SYT1: variants seen among roughly 807,000 people sequenced by gnomAD.
SYT1 encodes the protein synaptotagmin-1.
A neutral mutation model predicts 44.8 loss-of-function variants in SYT1; 8 were observed. The ratio of observed to expected loss-of-function variants is 0.18; its 90% CI spans 0.10 to 0.32. The LOEUF (loss-of-function observed/expected upper bound fraction) is 0.32, where lower values mean the gene tolerates loss of function less well. Ranked by LOEUF, SYT1 falls within the 10% of genes least tolerant of loss-of-function variation. SYT1 has a pLI of 1.00. For synonymous variants in SYT1, 154 were observed against 188.8 expected (o/e 0.82, Z 1.51); for missense variants, 286 against 509.3 (o/e 0.56, Z 4.22).
intron 3 of SYT1, among the ~76,000 whole-genome samples, chr12:79,184,263 A>G (rs755577142): frequency 6.6e-6 from 1 of 152,058 alleles, no homozygotes; most frequent in Non-Finnish European, 1.5e-5. Flanking sequence ...TGAAAAAAAC[A>G]TAGGTTGTAA....
chr12:78,948,651 G>A (rs775016473), intron 1 of SYT1, among the ~76,000 whole-genome samples: 84 of 151,932 alleles, frequency 5.5e-4, no homozygotes, highest in Non-Finnish European at 9.0e-4. Flanking sequence ...CATGACAAGT[G>A]GGGTTTGACT....
intron 8 of SYT1, among the ~76,000 whole-genome samples, chr12:79,330,679 A>G (rs1881815092): frequency 6.6e-6 from 1 of 152,214 alleles, no homozygotes; most frequent in African/African-American, 2.4e-5. Flanking sequence ...GACATTGACT[A>G]ACATTTATTG....
intron 1 of SYT1, among the ~76,000 whole-genome samples, chr12:78,972,372 T>C (rs1303736129): frequency 6.6e-6 from 1 of 152,040 alleles, no homozygotes; most frequent in Non-Finnish European, 1.5e-5. Flanking sequence ...CAAGGTTCAC[T>C]GAATCTTTTA....
intron 2 of SYT1, among the ~76,000 whole-genome samples, chr12:79,019,550 A>G (rs1048474701): frequency 6.6e-6 from 1 of 151,988 alleles, no homozygotes; most frequent in Non-Finnish European, 1.5e-5. Context: ...TATAGATGTA[A>G]TTATCAAGGA....
intron 9 of SYT1, among the ~76,000 whole-genome samples, chr12:79,364,410 C>T (rs1883453798): frequency 6.6e-6 from 1 of 152,060 alleles, no homozygotes; most frequent in Non-Finnish European, 1.5e-5. Context: ...CCAGCATGAA[C>T]AGATAAGGCA....
At chr12:79,039,607 T>A (rs1176245647) in intron 2 of SYT1, among the ~76,000 whole-genome samples, 1 of 148,970 alleles carries the variant, frequency 6.7e-6, no homozygotes, top group Non-Finnish European at 1.5e-5. Flanking sequence ...TTTTATTTTT[T>A]ATTTATTTTT....
intron 3 of SYT1, among the ~76,000 whole-genome samples, chr12:79,146,627 T>C (rs1289213724): frequency 6.6e-6 from 1 of 152,038 alleles, no homozygotes; most frequent in African/African-American, 2.4e-5. Flanking sequence ...GAGACATTAA[T>C]AATTAAACAA....
intron 4 of SYT1, among the ~76,000 whole-genome samples, chr12:79,235,443 A>G (rs531046372): frequency 4.6e-5 from 7 of 152,168 alleles, no homozygotes; most frequent in African/African-American, 1.7e-4. Context: ...TGATATAGAC[A>G]AAGATTTTCT....
chr12:79,376,143 G>A (rs191780106), intron 9 of SYT1, among the ~76,000 whole-genome samples: 1 of 152,258 alleles, frequency 6.6e-6, no homozygotes, highest in Non-Finnish European at 1.5e-5. Flanking sequence ...AATGTTACAG[G>A]AAAGGGGTCC....
chr12:79,164,475 AG>A (rs1871128772), intron 3 of SYT1, among the ~76,000 whole-genome samples: 1 of 152,106 alleles, frequency 6.6e-6, no homozygotes, highest in African/African-American at 2.4e-5. Context: ...CATCCACATC[AG>A]GCTTTGCTGT....
At chr12:79,124,463 GA>G (rs771733253) in intron 3 of SYT1, among the ~76,000 whole-genome samples, 1 of 152,042 alleles carries the variant, frequency 6.6e-6, no homozygotes, top group Non-Finnish European at 1.5e-5. Context: ...TCGTGAGGTA[GA>G]ATATAGATAA....
chr12:78,928,264 A>C (rs1877415004), intron 1 of SYT1, among the ~76,000 whole-genome samples: 1 of 152,140 alleles, frequency 6.6e-6, no homozygotes. Context: ...TACTGAACCC[A>C]ATTGCTGTCA....
At chr12:79,348,993 G>A (rs990935937) in intron 8 of SYT1, among the ~76,000 whole-genome samples, 1,007 of 68,442 alleles carry the variant, frequency 0.015, 11 homozygotes, top group African/African-American at 0.062. Context: ...GAAAGAAAGA[G>A]AGAAGGAAAG....
intron 1 of SYT1, among the ~76,000 whole-genome samples, chr12:78,876,772 T>TTTATATATTATATA (rs1874122338): frequency 1.2e-5 from 1 of 81,866 alleles, no homozygotes; most frequent in South Asian, 3.2e-4. Flanking sequence ...ATATTATATA[T>TTTATATATTATATA]TTATATATTA....
At chr12:79,131,468 T>C (rs1357409837) in intron 3 of SYT1, among the ~76,000 whole-genome samples, 1 of 152,158 alleles carries the variant, frequency 6.6e-6, no homozygotes, top group African/African-American at 2.4e-5. Context: ...TATGGGAAGC[T>C]CCTTAGAGAT....
At chr12:79,361,524 TTC>T (rs1883315440) in intron 9 of SYT1, among the ~76,000 whole-genome samples, 1 of 152,182 alleles carries the variant, frequency 6.6e-6, no homozygotes, top group African/African-American at 2.4e-5. Flanking sequence ...CAAGCTAAAA[TTC>T]TATCATGGAA....
intron 8 of SYT1, among the ~76,000 whole-genome samples, chr12:79,332,762 T>A (rs556955229): frequency 6.6e-6 from 1 of 152,206 alleles, no homozygotes; most frequent in African/African-American, 2.4e-5. Context: ...TTGTTTCAAA[T>A]ACGTCATTTA....
chr12:79,230,403 T>C (rs958092572), intron 4 of SYT1, among the ~76,000 whole-genome samples: 3 of 152,176 alleles, frequency 2.0e-5, no homozygotes, highest in African/African-American at 7.2e-5. Context: ...TAGAATTTTT[T>C]AAATAAATTA....
At chr12:78,864,285 A>G (rs574391789), upstream of SYT1, 1 of 150,998 alleles carries the variant, frequency 6.6e-6, no homozygotes, top group Non-Finnish European at 1.5e-5. Context: ...GAACCCACAC[A>G]CATCGAAACT....
Sources: allele counts gnomAD v4.1 joint callset (sites outside exome capture counted in the v4.1 genomes callset), GRCh38; gene constraint gnomAD v4.1.1; transcripts MANE v1.5; gene names NCBI Gene and HGNC (gene_info 2026-07-23, HGNC 2026-07-21).